The following FBXO17 variants were observed in gnomAD, a reference collection of about 807,000 sequenced individuals.
FBXO17 encodes the protein F-box only protein 17.
FBXO17 carries 43 observed loss-of-function variants against 34.1 expected under a neutral mutation model. The ratio of observed to expected loss-of-function variants is 1.26; its 90% CI spans 0.99 to 1.62. The LOEUF (loss-of-function observed/expected upper bound fraction) is 1.62, where lower values mean the gene tolerates loss of function less well. Ranked by LOEUF, FBXO17 falls within the 40% of genes most tolerant of loss-of-function variation. The pLI, the probability that FBXO17 is intolerant of heterozygous loss-of-function variation, is 0.00. For synonymous variants in FBXO17, 169 were observed against 166.0 expected (o/e 1.02, Z -0.14); for missense variants, 424 against 386.7 (o/e 1.10, Z -0.81).
At chr19:38,945,337 AGGAGCCTGGGTGGTCCTGGGGT>A in intron 4 of FBXO17, 1 of 497,650 alleles carries the variant, frequency 2.0e-6, no homozygotes, top group Non-Finnish European at 3.4e-6. Flanking sequence ...AGCCTGGGGG[AGGAGCCTGGGTGGTCCTGGGGT>A]GGAGCCAGAG....
rs199989243 is a variant in FBXO17 at position 38,942,707 on chromosome 19, T to C, written c.738A>G (p.Val246=). Reference sequence around the variant, plus strand: ...CGTCTCTCCCGTACTGCTCAAAAGATACGTAGCGGATGCCCTTGCCAAAGT... The same window carrying C: ...CGTCTCTCCCGTACTGCTCAAAAGACACGTAGCGGATGCCCTTGCCAAAGT... ...FTNFGKGIRY[V]SFEQYGRDVS... Residue 246 remains valine (V), a synonymous_variant, in exon 6 of 6, where the codon GTA becomes GTG. Coordinates refer to ENST00000292852, the MANE Select transcript of FBXO17 (RefSeq NM_024907.7). 7 of 1,606,000 alleles carry C rather than the reference T, an allele frequency of 4.4e-6. No homozygotes were observed. The highest frequency in any genetic ancestry group is 5.9e-6 in the Non-Finnish European group (7 of 1,176,794).
At chr19:38,952,187 T>C (rs1173686357) in intron 1 of FBXO17, among the ~76,000 whole-genome samples, 2 of 152,032 alleles carry the variant, frequency 1.3e-5, no homozygotes, top group African/African-American at 2.4e-5. Flanking sequence ...CCTCAAGTGA[T>C]CCACCTGTCT....
Position 38,942,314 on chromosome 19 carries a change from A to C in FBXO17, c.*294T>G, listed in dbSNP as rs989365152. The C allele has an allele frequency of 1.2e-4, 22 of 178,874 alleles. No homozygotes were observed. The highest frequency in any genetic ancestry group is 1.1e-3 in the Admixed American group (15 of 13,060). The allele number at this position is 178,874 out of a possible 1,614,324, so 11.1% of individuals were successfully genotyped here. A position where few individuals can be genotyped will look rare whatever the true frequency, so the allele number is the denominator to read the frequency against. Reference sequence around the variant, plus strand: ...GGTCTTGCTTTCTCACCCAGGCTGGAGTGGTGGTGAAATCACGGCTCACTG... The same window carrying C: ...GGTCTTGCTTTCTCACCCAGGCTGGCGTGGTGGTGAAATCACGGCTCACTG... On this transcript the variant is annotated 3_prime_UTR_variant, in exon 6 of 6. Transcript: ENST00000292852.
chr19:38,966,091 T>C (rs1975316329), intron 1 of FBXO17, among the ~76,000 whole-genome samples: 1 of 152,076 alleles, frequency 6.6e-6, no homozygotes, highest in Admixed American at 6.6e-5. Context: ...TGTCTCAGCC[T>C]TCCGAGTAGC....
At chr19:38,963,297 C>CTT (rs1555752021) in intron 1 of FBXO17, among the ~76,000 whole-genome samples, 2 of 75,918 alleles carry the variant, frequency 2.6e-5, no homozygotes, top group Non-Finnish European at 5.1e-5. Flanking sequence ...TTCACTCATA[C>CTT]TTTTTTTTTT....
intron 1 of FBXO17, among the ~76,000 whole-genome samples, chr19:38,974,872 C>CTCTGT (rs1299201279): frequency 3.9e-5 from 6 of 152,108 alleles, no homozygotes; most frequent in Non-Finnish European, 7.4e-5. Context: ...CCATGCAAAG[C>CTCTGT]TCTGTCCTGT....
At chr19:38,951,212 TTAC>T in intron 1 of FBXO17, among the ~76,000 whole-genome samples, 1 of 151,788 alleles carries the variant, frequency 6.6e-6, no homozygotes, top group South Asian at 2.1e-4. Context: ...TTTATTATTA[TTAC>T]TTTTTTATGG....
At chr19:38,961,767 T>C (rs1975253479) in intron 1 of FBXO17, among the ~76,000 whole-genome samples, 1 of 151,778 alleles carries the variant, frequency 6.6e-6, no homozygotes, top group South Asian at 2.1e-4. Flanking sequence ...GTTCAAGAGA[T>C]TTTTTCTACT....
rs1459774869 is a variant in FBXO17, at chr19:38,942,048, GA to G, written c.*559del. On this transcript the variant is annotated 3_prime_UTR_variant, in exon 6 of 6. Transcript: ENST00000292852. ...GTCCACCGAGATCCTTGCAGGAGAA[GA>G]AAATTTGCAGGCAAATGAACTAAAT... The G allele has an allele frequency of 6.6e-6, 1 of 152,040 alleles. No homozygotes were observed. Among genetic ancestry groups the G allele is most frequent in the African/African-American group, 2.4e-5 (1 of 41,364 alleles). The allele number at this position is 152,040 out of a possible 1,614,324, so 9.4% of individuals were successfully genotyped here. A position where few individuals can be genotyped will look rare whatever the true frequency, so the allele number is the denominator to read the frequency against.
In FBXO17 at chr19:38,942,662, G is replaced by A; in HGVS notation, c.783C>T (p.His261=). The A allele has an allele frequency of 6.2e-7, 1 of 1,600,432 alleles. No individual in the cohort carries two copies. The highest frequency in any genetic ancestry group is 1.4e-5 in the African/African-American group (1 of 73,808). Residue 261 remains histidine (H), a synonymous_variant, in exon 6 of 6, where the codon CAC becomes CAT. Transcript: ENST00000292852. ...YGRDVSSWVG[H]YGALVTHSSV... is the part of the protein sequence containing the mutation. The stretch of plus-strand genomic sequence containing the variant: ...TGGAGTGGGTCACAAGGGCGCCATA[G>A]TGCCCCACCCAGGAACTCACGTCTC...
At chr19:38,946,442 C>G (rs755710760) in intron 4 of FBXO17, 30 bp downstream of exon 4, 2 of 1,613,410 alleles carry the variant, frequency 1.2e-6, no homozygotes, top group Admixed American at 3.3e-5. Flanking sequence ...CCTGCTGCTG[C>G]TCTGGGGCAG....
chr19:38,944,857 C>G (rs963671154), intron 5 of FBXO17, 112 bp downstream of exon 5: 10 of 1,451,808 alleles, frequency 6.9e-6, no homozygotes, highest in Non-Finnish European at 9.4e-6. Flanking sequence ...TACTTCTTAG[C>G]TGTTATGATT....
chr19:38,948,165 G>A (rs919497439), intron 3 of FBXO17, among the ~76,000 whole-genome samples: 3 of 151,904 alleles, frequency 2.0e-5, no homozygotes, highest in African/African-American at 4.8e-5. Context: ...TAGTAGAGAC[G>A]GGGTTTCCCC....
intron 5 of FBXO17, 135 bp downstream of exon 5, chr19:38,944,834 A>G: frequency 7.7e-7 from 1 of 1,295,220 alleles, no homozygotes; most frequent in Non-Finnish European, 1.1e-6. Flanking sequence ...CTTGGGATGT[A>G]AGAAGGGCTC....
At chr19:38,950,877 C>T (rs1308985559) in intron 1 of FBXO17, among the ~76,000 whole-genome samples, 2 of 152,102 alleles carry the variant, frequency 1.3e-5, no homozygotes, top group African/African-American at 2.4e-5. Flanking sequence ...TTGCAACCTC[C>T]GCTTCCTGGG....
chr19:38,944,084 C>T (rs1974935567), intron 5 of FBXO17, among the ~76,000 whole-genome samples: 1 of 152,134 alleles, frequency 6.6e-6, no homozygotes, highest in South Asian at 2.1e-4. Context: ...TATGTGGAAT[C>T]ATACAGTATT....
intron 1 of FBXO17, among the ~76,000 whole-genome samples, chr19:38,954,300 C>T (rs1218718381): frequency 6.6e-6 from 1 of 152,084 alleles, no homozygotes; most frequent in Non-Finnish European, 1.5e-5. Context: ...GATGGAGTCT[C>T]GATCTGTGGC....
chr19:38,964,367 A>T (rs560991557), intron 1 of FBXO17, among the ~76,000 whole-genome samples: 1 of 151,370 alleles, frequency 6.6e-6, no homozygotes, highest in East Asian at 2.0e-4. Context: ...ACGGAGTCTC[A>T]CCCTGTCACC....
chr19:38,946,088 C>T (rs1568437908), intron 4 of FBXO17: 1 of 260,198 alleles, frequency 3.8e-6, no homozygotes, highest in Non-Finnish European at 7.5e-6. Context: ...CCTGTAGGCT[C>T]TGAAGCCAGT....
Sources: allele counts gnomAD v4.1 joint callset (sites outside exome capture counted in the v4.1 genomes callset), GRCh38; gene constraint gnomAD v4.1.1; transcripts MANE v1.5; gene names NCBI Gene and HGNC (gene_info 2026-07-23, HGNC 2026-07-21).